The following CEP290 variants were observed in gnomAD, a reference collection of about 807,000 sequenced individuals.
The protein encoded by CEP290 is centrosomal protein of 290 kDa.
A neutral mutation model predicts 344.9 loss-of-function variants in CEP290; 317 were observed. The observed-to-expected ratio is 0.92, with a 90% CI of 0.84 to 1.01. The LOEUF is 1.01. Among genes scored for constraint, CEP290 ranks in the 50% least tolerant of loss-of-function variants. CEP290 has a pLI of 0.00. For synonymous variants in CEP290, 932 were observed against 895.8 expected, an observed-to-expected ratio of 1.04 and a Z score of -0.72; for missense variants, 2,754 against 2,761.4, an observed-to-expected ratio of 1.00 and a Z score of 0.06.
intron 41 of CEP290, 95 bp downstream of exon 41, chr12:88,077,127 C>A (rs779176707): frequency 1.5e-5 from 18 of 1,175,422 alleles, no homozygotes; most frequent in Non-Finnish European, 2.1e-5. Flanking sequence ...GCCAGGTCAT[C>A]AAATTAAGGC....
chr12:88,071,203 G>T, intron 43 of CEP290, 91 bp downstream of exon 43: 1 of 1,037,312 alleles, frequency 9.6e-7, no homozygotes, highest in Non-Finnish European at 1.4e-6. Flanking sequence ...CATAACCCAA[G>T]CTTAAGACAA....
Position 88,089,219 on chromosome 12 carries a change from G to A in CEP290, c.3842C>T (p.Ala1281Val). 6.2e-7 allele frequency: 1 copy of A among 1,613,522 alleles called. No individual in the cohort carries two copies. Among genetic ancestry groups the A allele is most frequent in the Non-Finnish European group, 8.5e-7 (1 of 1,179,668 alleles). ...TGTTTTGGAGAACTTTTCCTGTTGTGCCAAGGGTAAAGCTCCACTAAACTG... is the reference window on the plus strand; with the variant it reads ...TGTTTTGGAGAACTTTTCCTGTTGTACCAAGGGTAAAGCTCCACTAAACTG... ...RRQFSGALPL[A>V]QQEKFSKTMI... Residue 1281 changes from alanine (A) to valine (V), a missense_variant, in exon 31 of 54, where the codon GCA (alanine) becomes GTA (valine). Ala to Val is a moderately conservative substitution (Grantham distance 64). Coordinates refer to ENST00000552810, the MANE Select transcript of CEP290 (RefSeq NM_025114.4).
intron 45 of CEP290, among the ~76,000 whole-genome samples, chr12:88,063,713 G>A (rs1044341883): frequency 2.0e-5 from 3 of 152,086 alleles, no homozygotes; most frequent in South Asian, 4.1e-4. Context: ...TTAGTGACTT[G>A]TTTATTGTCA....
chr12:88,083,839 A>C lies in CEP290; in HGVS notation c.4812+8T>G, dbSNP rs1401169566. 1 of 1,510,472 alleles carries C rather than the reference A, an allele frequency of 6.6e-7. No homozygotes were observed. Among genetic ancestry groups the C allele is most frequent in the African/African-American group, 1.4e-5 (1 of 72,080 alleles). The allele number at this position is 1,510,472 out of a possible 1,614,324, so 93.6% of individuals were successfully genotyped here. A position where few individuals can be genotyped will look rare whatever the true frequency, so the allele number is the denominator to read the frequency against. On this transcript the variant is annotated splice_region_variant and intron_variant, in intron 36 of 53. Coordinates refer to ENST00000552810, the MANE Select transcript of CEP290 (RefSeq NM_025114.4). ...ATAAAGAATGGAACAAAGTTCTTAG[A>C]ATCTTACCCAAGCCGTTTGTTTGAA...
intron 52 of CEP290, among the ~76,000 whole-genome samples, chr12:88,050,967 T>C (rs912518298): frequency 2.0e-5 from 3 of 152,224 alleles, no homozygotes; most frequent in Admixed American, 1.3e-4. Context: ...TCTCCAAATA[T>C]AGCACAAAAG....
chr12:88,097,077 T>C (rs571580323), intron 26 of CEP290, 78 bp from the exon 27 acceptor site: 2 of 729,978 alleles, frequency 2.7e-6, no homozygotes, highest in Admixed American at 6.1e-5. Context: ...GTCTTAACTT[T>C]ATATAACATC....
At chr12:88,140,844 G>A (rs2040608208) in intron 3 of CEP290, 112 bp downstream of exon 3, 2 of 637,870 alleles carry the variant, frequency 3.1e-6, no homozygotes, top group Admixed American at 3.7e-5. Context: ...GCATTTTTTA[G>A]TGGTGATGTA....
intron 47 of CEP290, 110 bp downstream of exon 47, chr12:88,060,715 ATGTAT>A: frequency 1.4e-6 from 1 of 696,028 alleles, no homozygotes; most frequent in Non-Finnish European, 2.3e-6. Context: ...TTTATAAAAT[ATGTAT>A]TGTATTCATT....
chr12:88,141,108 A>T, intron 2 of CEP290, 75 bp from the exon 3 acceptor site: 1 of 1,324,382 alleles, frequency 7.6e-7, no homozygotes, highest in Non-Finnish European at 1.0e-6. Context: ...CCAGATTGTG[A>T]CAATTATAGT....
chr12:88,131,271 ATT>A (rs59949315), intron 6 of CEP290, 53 bp from the exon 7 acceptor site: 112,152 of 817,818 alleles, frequency 0.14, 3 homozygotes, highest in East Asian at 0.17. Flanking sequence ...TTCAGCAGTA[ATT>A]TTTTTTTTTT....
intron 26 of CEP290, among the ~76,000 whole-genome samples, chr12:88,098,130 T>G (rs1469490297): frequency 6.8e-6 from 1 of 147,034 alleles, no homozygotes; most frequent in African/African-American, 2.5e-5. Context: ...AACACAGTAC[T>G]AAACATAGTG....
chr12:88,126,616 G>A (rs912966528), intron 11 of CEP290, among the ~76,000 whole-genome samples, 178 bp from the exon 12 acceptor site: 54 of 152,106 alleles, frequency 3.6e-4, no homozygotes, highest in Non-Finnish European at 5.9e-4. Flanking sequence ...TATACAACCT[G>A]AAATTCAAAT....
chr12:88,117,601 T>C (rs76640514), intron 17 of CEP290, among the ~76,000 whole-genome samples: 5,746 of 152,272 alleles, frequency 0.038, 175 homozygotes, highest in African/African-American at 0.084. Flanking sequence ...AAAAAGACAG[T>C]CCTTCTGTGT....
chr12:88,088,145 T>G (rs962295161), intron 31 of CEP290, among the ~76,000 whole-genome samples: 5 of 152,168 alleles, frequency 3.3e-5, no homozygotes, highest in Non-Finnish European at 7.4e-5. Flanking sequence ...GATTTTACAA[T>G]AAAAATCTTC....
In CEP290 at chr12:88,060,883, T is replaced by C. The variant is rs2136749270; in HGVS notation, c.6469A>G (p.Ile2157Val). Residue 2157 changes from isoleucine to valine, a missense_variant, in exon 47 of 54, where the codon ATA (isoleucine) becomes GTA (valine). Physicochemically the swap from Ile to Val is conservative, Grantham distance 29 (BLOSUM62 3). Transcript: ENST00000552810. ...TTAGCCATTTTTTCACTAGTCAATA[T>C]TCCTGATGCTTTTTTCAACTGTTCA... ...ENEQLKKASG[I>V]LTSEKMANIE... The C allele has an allele frequency of 6.5e-7, 1 of 1,546,874 alleles. No homozygotes were observed. Among genetic ancestry groups the C allele is most frequent in the Non-Finnish European group, 8.7e-7 (1 of 1,146,330 alleles).
At chr12:88,097,087 C>G in intron 26 of CEP290, 88 bp from the exon 27 acceptor site, 1 of 682,410 alleles carries the variant, frequency 1.5e-6, no homozygotes, top group South Asian at 1.8e-5. Context: ...TATATAACAT[C>G]TCCTTAAAAC....
intron 20 of CEP290, among the ~76,000 whole-genome samples, chr12:88,112,434 G>A (rs1174712849): frequency 6.6e-6 from 1 of 151,982 alleles, no homozygotes; most frequent in East Asian, 1.9e-4. Context: ...ATAAAGGCAA[G>A]GTATCATAAC....
rs754677258 is a variant in CEP290 at position 88,102,915 on chromosome 12, G to C, written c.2914C>G (p.Leu972Val). 5 of 1,609,502 alleles carry C rather than the reference G, an allele frequency of 3.1e-6. No homozygotes were observed. The highest frequency in any genetic ancestry group is 2.2e-5 in the South Asian group (2 of 89,890). The change falls in exon 26 of 54, where the codon CTG (leucine) becomes GTG (valine). Residue 972 changes from leucine (L) to valine (V), a missense_variant. Coordinates refer to ENST00000552810, the MANE Select transcript of CEP290 (RefSeq NM_025114.4). ...AAGATGTCCCTGTACTTAGCAGTCA[G>C]TTCATTGTACTGTTTATTAGCCAGT... Reference protein sequence around the residue: ...LELANKQYNELTAKYRDILQK... With the variant: ...LELANKQYNEVTAKYRDILQK...
In CEP290 at chr12:88,139,565, C is replaced by T. The variant is rs281865190; in HGVS notation, c.181-1G>A. On this transcript the variant is annotated splice_acceptor_variant, in intron 3 of 53. Transcript: ENST00000552810. LOFTEE classifies it high-confidence loss of function. ...CCAGCTCCACTTCTTGAGCTTTCAT[C>T]TAAACATTAAAAAAAGGTTATTTCA... 3.2e-6 allele frequency: 5 copies of T among 1,565,322 alleles called. No individual in the cohort carries two copies. In the South Asian group the frequency reaches 4.9e-5, roughly 15 times the overall value.
Sources: gnomAD v4.1 joint callset for allele counts (sites outside exome capture counted in the v4.1 genomes callset) on GRCh38, gnomAD v4.1.1 for gene constraint, MANE v1.5 for transcripts, NCBI Gene and HGNC (gene_info 2026-07-23, HGNC 2026-07-21) for gene names.